The following NSD1 variants were observed in gnomAD, a reference collection of about 807,000 sequenced individuals.
The protein encoded by NSD1 is histone-lysine N-methyltransferase, H3 lysine-36 specific.
NSD1 carries 26 observed loss-of-function variants against 242.7 expected under a neutral mutation model. The observed-to-expected ratio is 0.11, with a 90% CI of 0.08 to 0.15. The LOEUF is 0.15. NSD1 is among the 10% of genes least tolerant of loss of function. NSD1 has a pLI of 1.00. For missense variants in NSD1, 2,495 were observed against 3,272.8 expected, an observed-to-expected ratio of 0.76 and a Z score of 5.80; for synonymous variants, 1,106 against 1,178.1, an observed-to-expected ratio of 0.94 and a Z score of 1.25.
chr5:177,266,080 C>T, intron 14 of NSD1: 4 of 1,123,644 alleles, frequency 3.6e-6, no homozygotes, highest in Non-Finnish European at 5.4e-6. Flanking sequence ...ACTGCCGGTC[C>T]TCGGTGGCCG....
Position 177,214,201 on chromosome 5 carries a change from G to A in NSD1, c.3796+2006G>A, listed in dbSNP as rs557322931. ...ACAAAAATTAGCTGGGCATGGTGGC[G>A]CGCTCCTGTAATACCAGCCACTCGG... On this transcript the variant is annotated intron_variant, in intron 5 of 22. Coordinates refer to ENST00000439151, the MANE Select transcript of NSD1 (RefSeq NM_022455.5). Among the ~76,000 whole-genome samples the A allele has an allele frequency of 7.9e-5, 12 of 152,128 alleles. No individual in the cohort carries two copies. The South Asian group carries it at 8.3e-4, about 11-fold the overall frequency.
At chr5:177,228,624 G>A (rs761276037) in intron 5 of NSD1, among the ~76,000 whole-genome samples, 8 of 151,992 alleles carry the variant, frequency 5.3e-5, no homozygotes, top group African/African-American at 1.5e-4. Context: ...TAGGAAAGTC[G>A]AGGTATAAAT....
chr5:177,146,704 G>A (rs544253554), intron 2 of NSD1, among the ~76,000 whole-genome samples: 54 of 151,766 alleles, frequency 3.6e-4, no homozygotes, highest in African/African-American at 1.3e-3. Flanking sequence ...CATGACTCCC[G>A]TCAACTTTCT....
At chr5:177,207,228 G>A (rs184733972) in intron 4 of NSD1, among the ~76,000 whole-genome samples, 9 of 151,938 alleles carry the variant, frequency 5.9e-5, no homozygotes, top group Admixed American at 1.3e-4. Context: ...GATTACAGGC[G>A]TGAGCCACTG....
intron 2 of NSD1, among the ~76,000 whole-genome samples, chr5:177,172,020 G>T (rs1025539834): frequency 2.0e-5 from 3 of 152,218 alleles, no homozygotes; most frequent in African/African-American, 7.2e-5. Context: ...CTTAGAGGAA[G>T]TCCGCCCCTT....
upstream of NSD1, among the ~76,000 whole-genome samples, chr5:177,131,992 G>T (rs913424419): frequency 1.3e-5 from 2 of 152,240 alleles, no homozygotes; most frequent in African/African-American, 4.8e-5. Context: ...CTGGGGGAAG[G>T]GCCCGAGGGG....
At chr5:177,158,293 C>CTTTCTTTCTTTCTTTCTTTCTTTCTTTCT (rs1758350204) in intron 2 of NSD1, among the ~76,000 whole-genome samples, 1 of 77,674 alleles carries the variant, frequency 1.3e-5, no homozygotes, top group Non-Finnish European at 2.7e-5. Context: ...TTCTTTCTTT[C>CTTTCTTTCTTTCTTTCTTTCTTTCTTTCT]TTTCTTTCTT....
rs946159712 is a variant in NSD1, at chr5:177,169,032, A to G, written c.928-22852A>G. Among the ~76,000 whole-genome samples the G allele has an allele frequency of 1.7e-4, 26 of 152,186 alleles. 2 individuals are homozygous for G. Among genetic ancestry groups the G allele is most frequent in the Admixed American group, 6.6e-5 (1 of 15,260 alleles). ...ATAATTGGGCCCTTTTAGTTGACCA[A>G]TGCCGGCTGCAGGCACTGCAGTTTT... On this transcript the variant is annotated intron_variant, in intron 2 of 22. Transcript: ENST00000439151.
chr5:177,162,788 C>T (rs570220420), intron 2 of NSD1, among the ~76,000 whole-genome samples: 42 of 152,276 alleles, frequency 2.8e-4, no homozygotes, highest in African/African-American at 9.9e-4. Flanking sequence ...CCTCCCACCT[C>T]AGCCTCCTGA....
chr5:177,139,266 C>A (rs200017995), intron 2 of NSD1, among the ~76,000 whole-genome samples: 2 of 139,322 alleles, frequency 1.4e-5, no homozygotes, highest in Admixed American at 7.2e-5. Context: ...AAAAAAAAAA[C>A]CATCCTGGCC....
chr5:177,276,323 CTT>C (rs770573165), intron 17 of NSD1, among the ~76,000 whole-genome samples: 7 of 143,256 alleles, frequency 4.9e-5, no homozygotes, highest in Admixed American at 7.0e-5. Context: ...CTTCTGAAGT[CTT>C]TTTTTTTTTT....
intron 18 of NSD1, among the ~76,000 whole-genome samples, chr5:177,282,229 G>A (rs777884257): frequency 1.3e-5 from 2 of 152,182 alleles, no homozygotes; most frequent in African/African-American, 4.8e-5. Context: ...CATTCTGGAG[G>A]ATCTTTAGTA....
intron 5 of NSD1, among the ~76,000 whole-genome samples, chr5:177,233,905 T>C (rs1765251471): frequency 6.6e-6 from 1 of 152,166 alleles, no homozygotes; most frequent in South Asian, 2.1e-4. Context: ...AGAGTAAATA[T>C]AAAAATGCTT....
Position 177,257,038 on chromosome 5 carries a change from A to C in NSD1, c.4853A>C (p.Glu1618Ala). The change falls in exon 13 of 23, where the codon GAG becomes GCG. Residue 1618 changes from glutamate to alanine, a missense_variant. Glu to Ala is a moderately radical substitution (Grantham distance 107). This residue lies in a region of NSD1 where 32 missense variants were observed against 46.9 expected (regional missense o/e 0.68). Coordinates refer to ENST00000439151, the MANE Select transcript of NSD1 (RefSeq NM_022455.5). ...LPLCGKFYHE[E>A]CVQKYPPTVM... ...TTGTGTGGAAAGTTTTACCATGAAG[A>C]GTGTGTCCAGAAGTACCCACCCACT... 6.2e-7 allele frequency: 1 copy of C among 1,613,994 alleles called. No homozygotes were observed. The highest frequency in any genetic ancestry group is 8.5e-7 in the Non-Finnish European group (1 of 1,179,942).
intron 2 of NSD1, among the ~76,000 whole-genome samples, chr5:177,158,296 T>TCTTTCTTC (rs1562130686): frequency 3.9e-5 from 5 of 127,126 alleles, no homozygotes; most frequent in Non-Finnish European, 8.3e-5. Flanking sequence ...TTTCTTTCTT[T>TCTTTCTTC]CTTTCTTTTC....
intron 2 of NSD1, among the ~76,000 whole-genome samples, chr5:177,186,780 A>C (rs1367437073): frequency 1.3e-5 from 2 of 152,106 alleles, no homozygotes; most frequent in African/African-American, 4.8e-5. Flanking sequence ...CTTGAGACCA[A>C]GAGTTCGAAA....
At chr5:177,205,883 G>A (rs1483494174) in intron 4 of NSD1, among the ~76,000 whole-genome samples, 3 of 152,018 alleles carry the variant, frequency 2.0e-5, no homozygotes, top group Non-Finnish European at 4.4e-5. Context: ...GAGTGCTGTT[G>A]CACAGTCATC....
At chr5:177,181,551 GA>G (rs1160143971) in intron 2 of NSD1, among the ~76,000 whole-genome samples, 1 of 147,908 alleles carries the variant, frequency 6.8e-6, no homozygotes, top group East Asian at 2.0e-4. Flanking sequence ...TCAGCCTCCT[GA>G]ATAGCTGGGA....
At chr5:177,228,128 C>T (rs1228351044) in intron 5 of NSD1, among the ~76,000 whole-genome samples, 1 of 151,986 alleles carries the variant, frequency 6.6e-6, no homozygotes, top group African/African-American at 2.4e-5. Flanking sequence ...TGTCAATTAC[C>T]TGTAGTCAAC....
Sources: gnomAD v4.1 joint callset for allele counts (sites outside exome capture counted in the v4.1 genomes callset) on GRCh38, gnomAD v4.1.1 for gene constraint, gnomAD v4.1.1 regional missense constraint, MANE v1.5 for transcripts, NCBI Gene and HGNC (gene_info 2026-07-23, HGNC 2026-07-21) for gene names.